LHFPL3: variants seen among roughly 807,000 people sequenced by gnomAD.
LHFPL3 encodes the protein LHFPL tetraspan subfamily member 3 protein.
LHFPL3 carries 5 observed loss-of-function variants against 19.3 expected under a neutral mutation model. The observed-to-expected ratio is 0.26, with a 90% CI of 0.14 to 0.54. The LOEUF is 0.54. Among genes scored for constraint, LHFPL3 ranks in the 20% least tolerant of loss-of-function variants. LHFPL3 has a pLI of 0.94. For synonymous variants in LHFPL3, 133 were observed against 126.2 expected (o/e 1.05, Z -0.36); for missense variants, 249 against 307.4 (o/e 0.81, Z 1.42).
intron 1 of LHFPL3, among the ~76,000 whole-genome samples, chr7:104,534,300 T>C (rs1197764329): frequency 6.6e-6 from 1 of 152,212 alleles, no homozygotes; most frequent in African/African-American, 2.4e-5. Context: ...CTAGAGATCA[T>C]AGCTCAGTGT....
intron 1 of LHFPL3, among the ~76,000 whole-genome samples, chr7:104,418,877 A>G (rs1457428849): frequency 1.3e-5 from 2 of 152,210 alleles, no homozygotes; most frequent in Non-Finnish European, 2.9e-5. Context: ...CTGCTGTGTC[A>G]GGCACCGTGC....
At chr7:104,714,103 A>T (rs1793343490) in intron 1 of LHFPL3, among the ~76,000 whole-genome samples, 1 of 152,210 alleles carries the variant, frequency 6.6e-6, no homozygotes, top group Admixed American at 6.5e-5. Flanking sequence ...ACTTTTAGCT[A>T]CTGCTGTTAG....
intron 1 of LHFPL3, among the ~76,000 whole-genome samples, chr7:104,370,105 G>C (rs978417660): frequency 3.3e-5 from 5 of 152,184 alleles, no homozygotes; most frequent in Admixed American, 3.3e-4. Flanking sequence ...GTAGGAAGCA[G>C]ATAAAACCTC....
At chr7:104,686,303 A>G (rs1475141334) in intron 1 of LHFPL3, among the ~76,000 whole-genome samples, 1 of 152,168 alleles carries the variant, frequency 6.6e-6, no homozygotes, top group African/African-American at 2.4e-5. Flanking sequence ...CTACACCACC[A>G]TGGGGAGTAC....
At chr7:104,823,731 C>A (rs557243857) in intron 2 of LHFPL3, among the ~76,000 whole-genome samples, 3 of 152,098 alleles carry the variant, frequency 2.0e-5, no homozygotes, top group African/African-American at 7.2e-5. Context: ...TTCAATTTCT[C>A]GCTCCGCTTC....
chr7:104,461,113 A>G lies in LHFPL3; in HGVS notation c.445+131889A>G, dbSNP rs930689408. ...CTGGGGAGGCCTCAGGAAACTTACA[A>G]TCATGGTGGAAGGGGAGGCAAACAC... is the stretch of plus-strand genomic sequence containing the variant. On this transcript the variant is annotated intron_variant, in intron 1 of 2. Coordinates refer to ENST00000424859, the MANE Select transcript of LHFPL3 (RefSeq NM_199000.3). Among the ~76,000 whole-genome samples the G allele has an allele frequency of 4.6e-5, 7 of 152,188 alleles. No homozygotes were observed. The East Asian group carries it at 7.7e-4, about 17-fold the overall frequency.
chr7:104,721,797 C>T (rs981803926), intron 1 of LHFPL3, among the ~76,000 whole-genome samples: 1 of 152,188 alleles, frequency 6.6e-6, no homozygotes, highest in African/African-American at 2.4e-5. Context: ...GAAGTGTTCT[C>T]ATGTTTCTCT....
chr7:104,345,199 G>T (rs1790039573), intron 1 of LHFPL3, among the ~76,000 whole-genome samples: 1 of 152,126 alleles, frequency 6.6e-6, no homozygotes, highest in African/African-American at 2.4e-5. Flanking sequence ...TTGGCATAAA[G>T]CTGCTCCTAA....
intron 1 of LHFPL3, among the ~76,000 whole-genome samples, chr7:104,646,428 A>G (rs1791936861): frequency 1.3e-5 from 2 of 152,244 alleles, no homozygotes; most frequent in Admixed American, 6.5e-5. Context: ...AGTATGCACA[A>G]TGAGGAATTA....
chr7:104,385,393 T>C (rs1790918114), intron 1 of LHFPL3, among the ~76,000 whole-genome samples: 1 of 53,292 alleles, frequency 1.9e-5, no homozygotes, highest in Non-Finnish European at 4.3e-5. Flanking sequence ...GGCATTCTGA[T>C]TGATATCTGA....
chr7:104,738,657 G>A (rs1227324520), intron 2 of LHFPL3: 1 of 152,148 alleles, frequency 6.6e-6, no homozygotes, highest in African/African-American at 2.4e-5. Context: ...ACTCATGTAT[G>A]AGTGACAATA....
chr7:104,495,188 A>G (rs1383505753), intron 1 of LHFPL3, among the ~76,000 whole-genome samples: 3 of 151,862 alleles, frequency 2.0e-5, no homozygotes, highest in Non-Finnish European at 2.9e-5. Flanking sequence ...AACAGTCACT[A>G]CCTTCTTTGG....
intron 1 of LHFPL3, among the ~76,000 whole-genome samples, chr7:104,533,261 A>C (rs1210305947): frequency 1.3e-5 from 2 of 152,110 alleles, no homozygotes; most frequent in East Asian, 3.8e-4. Context: ...CCATAGAAGC[A>C]CTCTGTCATA....
intron 1 of LHFPL3, among the ~76,000 whole-genome samples, chr7:104,561,177 T>C (rs1789990031): frequency 6.6e-6 from 1 of 151,846 alleles, no homozygotes; most frequent in South Asian, 2.1e-4. Context: ...GGGTGGAGAG[T>C]TCTGTAATTG....
intron 1 of LHFPL3, among the ~76,000 whole-genome samples, chr7:104,662,062 A>G (rs567156804): frequency 3.3e-5 from 5 of 152,320 alleles, no homozygotes; most frequent in Admixed American, 2.0e-4. Context: ...ATGGCCCAAA[A>G]CATTATCATT....
chr7:104,353,863 A>G (rs1167447548), intron 1 of LHFPL3, among the ~76,000 whole-genome samples: 1 of 152,156 alleles, frequency 6.6e-6, no homozygotes, highest in Non-Finnish European at 1.5e-5. Flanking sequence ...AAGTTATGTG[A>G]CTTGTCCAGA....
intron 2 of LHFPL3, chr7:104,738,484 T>C (rs749081714): frequency 1.3e-4 from 20 of 152,196 alleles, no homozygotes; most frequent in Non-Finnish European, 2.5e-4. Context: ...CCCACCTAAA[T>C]GGACCAGAAT....
intron 1 of LHFPL3, among the ~76,000 whole-genome samples, chr7:104,584,352 A>G (rs2115584549): frequency 6.6e-6 from 1 of 152,264 alleles, no homozygotes; most frequent in East Asian, 1.9e-4. Flanking sequence ...AGATATATCT[A>G]ATGCTAAATG....
intron 2 of LHFPL3, among the ~76,000 whole-genome samples, chr7:104,761,671 TC>T (rs755389516): frequency 6.6e-6 from 1 of 152,180 alleles, no homozygotes; most frequent in Non-Finnish European, 1.5e-5. Flanking sequence ...CAGGATCCCT[TC>T]ATTTGATTTG....
Sources: gnomAD v4.1 joint callset for allele counts (sites outside exome capture counted in the v4.1 genomes callset) on GRCh38, gnomAD v4.1.1 for gene constraint, MANE v1.5 for transcripts, NCBI Gene and HGNC (gene_info 2026-07-23, HGNC 2026-07-21) for gene names.